The following NYNRIN variants were observed in gnomAD, a reference collection of about 807,000 sequenced individuals.
NYNRIN encodes the protein protein NYNRIN.
A neutral mutation model predicts 146.6 loss-of-function variants in NYNRIN; 86 were observed. The observed-to-expected ratio is 0.59, with a 90% CI of 0.49 to 0.70. NYNRIN has a LOEUF of 0.70. Ranked by LOEUF, NYNRIN falls within the 30% of genes least tolerant of loss-of-function variation. NYNRIN has a pLI of 0.00. For synonymous variants in NYNRIN, 1,027 were observed against 1,001.3 expected, an observed-to-expected ratio of 1.03 and a Z score of -0.48; for missense variants, 2,191 against 2,377.7, an observed-to-expected ratio of 0.92 and a Z score of 1.63.
chr14:24,415,053 G>T lies in NYNRIN; in HGVS notation c.3304G>T (p.Asp1102Tyr), dbSNP rs1260061434. 5.6e-6 allele frequency: 9 copies of T among 1,612,432 alleles called. No individual in the cohort carries two copies. The East Asian group carries it at 2.0e-4, about 36-fold the overall frequency. The change falls in exon 9 of 9, where the codon GAC (aspartate) becomes TAC (tyrosine). Residue 1102 changes from aspartate to tyrosine, a missense_variant. Physicochemically the swap from Asp to Tyr is radical, Grantham distance 160. Transcript: ENST00000382554. Reference protein sequence around the residue: ...TALSFFMGFMDSHRDAIPDYE... With the variant: ...TALSFFMGFMYSHRDAIPDYE... ...ACTCTCCTTCTTCATGGGCTTCATG[G>T]ACTCCCACAGGGATGCCATCCCTGA...
At position 24,399,282 on chromosome 14, in the gene NYNRIN, A is replaced by G; in HGVS notation, c.36A>G (p.Glu12=). ...CTGGGGGCGATCCTCCGGCGCAGGA[A>G]TGGTTCATGGTGCAGACAAAATCGA... ...LLSGGDPPAQ[E]WFMVQTKSKP... Residue 12 remains glutamate, a synonymous_variant, in exon 2 of 9, where the codon GAA becomes GAG. Transcript: ENST00000382554. The G allele has an allele frequency of 6.2e-7, 1 of 1,613,886 alleles. No individual in the cohort carries two copies. Among genetic ancestry groups the G allele is most frequent in the Non-Finnish European group, 8.5e-7 (1 of 1,179,844 alleles).
chr14:24,399,097 C>G lies in NYNRIN; in HGVS notation c.-18+11C>G. The G allele has an allele frequency of 1.4e-6, 1 of 714,216 alleles. No homozygotes were observed. The highest frequency in any genetic ancestry group is 2.2e-6 in the Non-Finnish European group (1 of 453,814). The allele number at this position is 714,216 out of a possible 1,614,324, so 44.2% of individuals were successfully genotyped here. A position where few individuals can be genotyped will look rare whatever the true frequency, so the allele number is the denominator to read the frequency against. ...CCCGAGCCGTGCGGGGTGGGTCCCG[C>G]CGCCTGGAGGAAGGAGGCCGTGCGG... is the stretch of plus-strand genomic sequence containing the variant. On this transcript the variant is annotated intron_variant, in intron 1 of 8. Coordinates refer to ENST00000382554, the MANE Select transcript of NYNRIN (RefSeq NM_025081.3).
In NYNRIN at chr14:24,416,748, G is replaced by C. The variant is rs2042950581; in HGVS notation, c.4999G>C (p.Val1667Leu). The C allele has an allele frequency of 6.2e-7, 1 of 1,613,802 alleles. No individual in the cohort carries two copies. ...TAVAQVLLQH[V>L]FARWGVPVRL... ...TGTGGCCCAGGTGCTGCTTCAGCATGTGTTTGCAAGGTGGGGTGTTCCTGT... is the reference window on the plus strand; with the variant it reads ...TGTGGCCCAGGTGCTGCTTCAGCATCTGTTTGCAAGGTGGGGTGTTCCTGT... The change falls in exon 9 of 9, where the codon GTG becomes CTG. Residue 1667 changes from valine to leucine, a missense_variant. By Grantham distance (32) the Val-to-Leu change is conservative (BLOSUM62 1). Transcript: ENST00000382554.
At chr14:24,401,423 A>G (rs983117373) in intron 2 of NYNRIN, among the ~76,000 whole-genome samples, 17 of 119,148 alleles carry the variant, frequency 1.4e-4, no homozygotes, top group Admixed American at 4.1e-4. Context: ...GAAGGAGGAC[A>G]GGGAAGGTGA....
At position 24,415,882 on chromosome 14, in the gene NYNRIN, G is replaced by C; in HGVS notation, c.4133G>C (p.Cys1378Ser). The change falls in exon 9 of 9, where the codon TGC becomes TCC. Residue 1378 changes from cysteine to serine, a missense_variant. Cys to Ser is a moderately radical substitution (Grantham distance 112). Around this residue, in one of 3 missense-constraint regions of NYNRIN, gnomAD observed 1,291 missense variants for 1,417.0 expected, o/e 0.91. Transcript: ENST00000382554. Reference protein sequence around the residue: ...SPLPVVFLTHCNWIFSLLWEL... With the variant: ...SPLPVVFLTHSNWIFSLLWEL... ...CTCCCAGTGGTTTTCCTCACTCACT[G>C]CAACTGGATCTTCAGCCTCCTGTGG... The C allele has an allele frequency of 6.2e-7, 1 of 1,613,970 alleles. No homozygotes were observed. The highest frequency in any genetic ancestry group is 8.5e-7 in the Non-Finnish European group (1 of 1,179,890).
At position 24,399,367 on chromosome 14, in the gene NYNRIN, GCCTTC is replaced by G; in HGVS notation, c.123_127del (p.Phe42GlufsTer82). The G allele has an allele frequency of 6.2e-7, 1 of 1,613,782 alleles. No homozygotes were observed. On this transcript the variant is annotated frameshift_variant, in exon 2 of 9. Transcript: ENST00000382554. LOFTEE classifies it high-confidence loss of function. ...GCGCATCTTTAGGGTCAAGCTGAAC[GCCTTC>G]CAGAGCCGCCCGGACACCCCCTACT...
In NYNRIN at chr14:24,399,135, G is replaced by T. The variant is rs559040204; in HGVS notation, c.-18+49G>T. On this transcript the variant is annotated intron_variant, in intron 1 of 8. Coordinates refer to ENST00000382554, the MANE Select transcript of NYNRIN (RefSeq NM_025081.3). ...GGAGGCCGTGCGGGGGGCGCGCCGC[G>T]GGGAGGAGGGGGCGTGGCTTAGGCG... 62 of 984,696 alleles carry T rather than the reference G, an allele frequency of 6.3e-5. No individual in the cohort carries two copies. In the Middle Eastern group the frequency reaches 1.7e-3, roughly 26 times the overall value. The allele number at this position is 984,696 out of a possible 1,614,324, so 61.0% of individuals were successfully genotyped here. A position where few individuals can be genotyped will look rare whatever the true frequency, so the allele number is the denominator to read the frequency against.
At position 24,408,453 on chromosome 14, in the gene NYNRIN, A is replaced by G. The variant is rs763818709; in HGVS notation, c.783A>G (p.Leu261=). ...QNRGPENSKR[L]SSLGATGSLI... is the part of the protein sequence containing the mutation. ...GGGGCCCAGAAAATTCAAAGAGATT[A>G]TCTAGCCTGGGAGCCACTGGGTCCC... The change falls in exon 3 of 9, where the codon TTA becomes TTG. Residue 261 remains leucine (L), a synonymous_variant. Coordinates refer to ENST00000382554, the MANE Select transcript of NYNRIN (RefSeq NM_025081.3). 1.1e-5 allele frequency: 17 copies of G among 1,612,244 alleles called. No individual in the cohort carries two copies. The East Asian group carries it at 2.0e-4, about 19-fold the overall frequency.
In NYNRIN at chr14:24,414,650, C is replaced by G; in HGVS notation, c.2901C>G (p.Ser967Arg). The G allele has an allele frequency of 6.2e-7, 1 of 1,613,776 alleles. No homozygotes were observed. Among genetic ancestry groups the G allele is most frequent in the Non-Finnish European group, 8.5e-7 (1 of 1,179,782 alleles). Residue 967 changes from serine to arginine, a missense_variant, in exon 9 of 9, where the codon AGC becomes AGG. By Grantham distance (110) the Ser-to-Arg change is moderately radical. Transcript: ENST00000382554. The part of the protein sequence containing the change: ...FLKVWKTLPP[S>R]SASVTELSDD... ...AGGTGTGGAAGACCCTTCCTCCCAG[C>G]TCAGCCAGTGTCACTGAGCTGAGTG...
chr14:24,408,739 C>T lies in NYNRIN; in HGVS notation c.945C>T (p.His315=), dbSNP rs2042891662. ...QATSSQDSTN[H]TQALLKQRQV... ...CCAGCAGCCAGGACTCCACGAACCACACACAAGCCTTGTTGAAGCAAAGGC... is the reference window on the plus strand; with the variant it reads ...CCAGCAGCCAGGACTCCACGAACCATACACAAGCCTTGTTGAAGCAAAGGC... The change falls in exon 4 of 9, where the codon CAC becomes CAT. Residue 315 remains histidine (H), a synonymous_variant. Coordinates refer to ENST00000382554, the MANE Select transcript of NYNRIN (RefSeq NM_025081.3). The T allele has an allele frequency of 6.2e-7, 1 of 1,613,996 alleles. No individual in the cohort carries two copies. The highest frequency in any genetic ancestry group is 2.2e-5 in the East Asian group (1 of 44,884).
intron 2 of NYNRIN, among the ~76,000 whole-genome samples, chr14:24,406,592 G>A (rs189473577): frequency 6.6e-6 from 1 of 152,366 alleles, no homozygotes; most frequent in Admixed American, 6.5e-5. Context: ...GCCTCGGCCA[G>A]GTGGAAGAGG....
chr14:24,408,647 T>C lies in NYNRIN; in HGVS notation c.858-5T>C. The stretch of plus-strand genomic sequence containing the variant: ...ACCTTTTCAATGAACTTGGGCTTCC[T>C]CCAGGGTCGGTTCCAACAACCAAGA... On this transcript the variant is annotated splice_region_variant and splice_polypyrimidine_tract_variant and intron_variant, in intron 3 of 8. Transcript: ENST00000382554. 1 of 1,591,146 alleles carries C rather than the reference T, an allele frequency of 6.3e-7. No homozygotes were observed. Among genetic ancestry groups the C allele is most frequent in the Non-Finnish European group, 8.6e-7 (1 of 1,169,440 alleles).
In NYNRIN at chr14:24,399,395, A is replaced by G; in HGVS notation, c.149A>G (p.Tyr50Cys). The G allele has an allele frequency of 6.2e-7, 1 of 1,613,590 alleles. No individual in the cohort carries two copies. The highest frequency in any genetic ancestry group is 8.5e-7 in the Non-Finnish European group (1 of 1,179,730). The part of the protein sequence containing the change: ...NAFQSRPDTP[Y>C]FWLQLEGPRE... ...TTCCAGAGCCGCCCGGACACCCCCT[A>G]CTTCTGGCTACAGCTCGAGGGGCCC... Residue 50 changes from tyrosine to cysteine, a missense_variant, in exon 2 of 9, where the codon TAC becomes TGC. Tyr to Cys is a radical substitution (Grantham distance 194). This residue lies in a region of NYNRIN where 895 missense variants were observed against 941.2 expected (regional missense o/e 0.95). Coordinates refer to ENST00000382554, the MANE Select transcript of NYNRIN (RefSeq NM_025081.3).
chr14:24,418,811 C>G lies in NYNRIN; in HGVS notation c.*1365C>G, dbSNP rs2042965623. ...TGTTTTACAGCAGAGGAAAGAGGAT[C>G]ACAGAGGGAAAATGATTCACCCAAA... is the stretch of plus-strand genomic sequence containing the variant. On this transcript the variant is annotated 3_prime_UTR_variant, in exon 9 of 9. Coordinates refer to ENST00000382554, the MANE Select transcript of NYNRIN (RefSeq NM_025081.3). 6.6e-6 allele frequency: 1 copy of G among 152,500 alleles called. No individual in the cohort carries two copies. The highest frequency in any genetic ancestry group is 1.5e-5 in the Non-Finnish European group (1 of 68,254). 9.4% of individuals were successfully genotyped at this position (152,500 alleles called of 1,614,324 possible). A position where few individuals can be genotyped will look rare whatever the true frequency, so the allele number is the denominator to read the frequency against.
At chr14:24,406,136 G>A (rs2042873683) in intron 2 of NYNRIN, among the ~76,000 whole-genome samples, 1 of 151,376 alleles carries the variant, frequency 6.6e-6, no homozygotes, top group African/African-American at 2.4e-5. Context: ...GAAAAATTCT[G>A]GTATCAGAGC....
rs2042912944 is a variant in NYNRIN at position 24,411,541 on chromosome 14, A to G, written c.2642+91A>G. On this transcript the variant is annotated intron_variant, in intron 6 of 8. Coordinates refer to ENST00000382554, the MANE Select transcript of NYNRIN (RefSeq NM_025081.3). This position sits in a 1 kb window ranked among gnomAD's most constrained non-coding sequence, Gnocchi z 4.3. ...GAGTCCGGCCTGTCTTCTCTGGGGA[A>G]ATGGAGGCAAACATGTTGGGGGTGT... 1 of 1,096,464 alleles carries G rather than the reference A, an allele frequency of 9.1e-7. No homozygotes were observed. The allele number at this position is 1,096,464 out of a possible 1,614,324, so 67.9% of individuals were successfully genotyped here.
chr14:24,401,509 A>G (rs1017766086), intron 2 of NYNRIN, among the ~76,000 whole-genome samples: 1 of 152,150 alleles, frequency 6.6e-6, no homozygotes, highest in African/African-American at 2.4e-5. Context: ...AGTTACAACC[A>G]AGATAGGAGG....
rs1226693200 is a variant in NYNRIN, at chr14:24,412,981, TC to T, written c.2643-12del. 3 of 1,560,370 alleles carry T rather than the reference TC, an allele frequency of 1.9e-6. No individual in the cohort carries two copies. The highest frequency in any genetic ancestry group is 2.6e-6 in the Non-Finnish European group (3 of 1,145,552). The stretch of plus-strand genomic sequence containing the variant: ...GCTAGTTACTGGGTCATTAGTGACT[TC>T]CCCTCTCCCTGCAGGTTCATGGTAA... On this transcript the variant is annotated splice_polypyrimidine_tract_variant and intron_variant, in intron 6 of 8. Coordinates refer to ENST00000382554, the MANE Select transcript of NYNRIN (RefSeq NM_025081.3).
rs766117294 is a variant in NYNRIN at position 24,409,413 on chromosome 14, T to C, written c.1619T>C (p.Val540Ala). 2 of 1,613,968 alleles carry C rather than the reference T, an allele frequency of 1.2e-6. No individual in the cohort carries two copies. Among genetic ancestry groups the C allele is most frequent in the Non-Finnish European group, 1.7e-6 (2 of 1,179,892 alleles). The change falls in exon 4 of 9, where the codon GTG (valine) becomes GCG (alanine). Residue 540 changes from valine (V) to alanine (A), a missense_variant. By Grantham distance (64) the Val-to-Ala change is moderately conservative. Around this residue, in one of 3 missense-constraint regions of NYNRIN, gnomAD observed 895 missense variants for 941.2 expected, o/e 0.95. Transcript: ENST00000382554. Reference sequence around the variant, plus strand: ...CAGTCAGTACCTGGAGCTCAAACAGTGCCTGAAACTCTCAAAGTGCCCATG... The same window carrying C: ...CAGTCAGTACCTGGAGCTCAAACAGCGCCTGAAACTCTCAAAGTGCCCATG... The part of the protein sequence containing the change: ...TDQSVPGAQT[V>A]PETLKVPMAA...
Sources: allele counts gnomAD v4.1 joint callset (sites outside exome capture counted in the v4.1 genomes callset), GRCh38; gene constraint gnomAD v4.1.1; regional missense constraint gnomAD v4.1.1; non-coding constraint Gnocchi (gnomAD v3.1); transcripts MANE v1.5; gene names NCBI Gene and HGNC (gene_info 2026-07-23, HGNC 2026-07-21).